Variants in VPS39 observed in about 807,000 individuals in gnomAD.
VPS39 encodes the protein vam6/Vps39-like protein.
A neutral mutation model predicts 121.0 loss-of-function variants in VPS39; 70 were observed. The ratio of observed to expected loss-of-function variants is 0.58; its 90% CI spans 0.48 to 0.71. VPS39 has a LOEUF of 0.71. Among genes scored for constraint, VPS39 ranks in the 30% least tolerant of loss-of-function variants. The pLI is 0.00. For synonymous variants in VPS39, 378 were observed against 398.1 expected (o/e 0.95, Z 0.60); for missense variants, 818 against 1,051.5 (o/e 0.78, Z 3.07).
At chr15:42,185,345 AT>A (rs931644395) in intron 7 of VPS39, among the ~76,000 whole-genome samples, 38 of 146,184 alleles carry the variant, frequency 2.6e-4, no homozygotes, top group African/African-American at 2.5e-4. Flanking sequence ...CGCCAGGCTA[AT>A]TTTTTTTTTT....
chr15:42,200,103 T>A (rs982023841), intron 1 of VPS39, 142 bp from the exon 2 acceptor site: 1 of 755,478 alleles, frequency 1.3e-6, no homozygotes, highest in African/African-American at 1.8e-5. Flanking sequence ...TTGCTTTTGA[T>A]AGGAGGTGTT....
chr15:42,166,475 G>A (rs763697918), intron 15 of VPS39, 88 bp downstream of exon 15: 21 of 1,449,414 alleles, frequency 1.4e-5, no homozygotes, highest in Admixed American at 5.3e-5. Flanking sequence ...CGGGAGGGAG[G>A]GGAGCAACCA....
intron 1 of VPS39, among the ~76,000 whole-genome samples, chr15:42,206,311 T>G (rs2050170371): frequency 6.6e-6 from 1 of 152,256 alleles, no homozygotes; most frequent in African/African-American, 2.4e-5. Flanking sequence ...TAATTACTGC[T>G]GCTCAAATCT....
At chr15:42,194,013 C>G (rs976049680) in intron 2 of VPS39, among the ~76,000 whole-genome samples, 1 of 152,068 alleles carries the variant, frequency 6.6e-6, no homozygotes, top group East Asian at 1.9e-4. Context: ...GACTTCACAC[C>G]CTAGCACACA....
chr15:42,164,820 G>A, intron 18 of VPS39, 176 bp downstream of exon 18: 1 of 1,438,664 alleles, frequency 7.0e-7, no homozygotes. Context: ...CTAGACAAGA[G>A]CTCCTGAGTC....
intron 1 of VPS39, among the ~76,000 whole-genome samples, chr15:42,207,381 C>T (rs893105708): frequency 6.6e-6 from 1 of 152,192 alleles, no homozygotes; most frequent in African/African-American, 2.4e-5. Context: ...CTGAAACCTT[C>T]ATTTGTATTT....
intron 8 of VPS39, among the ~76,000 whole-genome samples, chr15:42,183,482 C>T: frequency 6.6e-6 from 1 of 152,148 alleles, no homozygotes; most frequent in Non-Finnish European, 1.5e-5. Flanking sequence ...CATCTACCAA[C>T]TGGCCCTATT....
intron 1 of VPS39, among the ~76,000 whole-genome samples, chr15:42,207,681 T>C (rs145545391): frequency 6.6e-6 from 1 of 152,320 alleles, no homozygotes; most frequent in Non-Finnish European, 1.5e-5. Context: ...TTGACTTTCA[T>C]CTAGAAAACA....
At position 42,160,566 on chromosome 15, in the gene VPS39, AT is replaced by A. The variant is rs2049108246; in HGVS notation, c.*187del. ...TAAGGTATAACTAATCTCTTTTCCC[AT>A]TAAAAAGCTGGCAATGCCAGACCAT... is the stretch of plus-strand genomic sequence containing the variant. On this transcript the variant is annotated 3_prime_UTR_variant, in exon 25 of 25. Transcript: ENST00000318006. 1 of 611,260 alleles carries A rather than the reference AT, an allele frequency of 1.6e-6. No homozygotes were observed. The highest frequency in any genetic ancestry group is 1.8e-5 in the African/African-American group (1 of 54,170). The allele number at this position is 611,260 out of a possible 1,614,324, so 37.9% of individuals were successfully genotyped here.
chr15:42,182,840 AG>A (rs1409617910), intron 8 of VPS39, among the ~76,000 whole-genome samples: 1 of 152,240 alleles, frequency 6.6e-6, no homozygotes, highest in Non-Finnish European at 1.5e-5. Flanking sequence ...GTTGGAAGAC[AG>A]GAACTCTCAT....
At chr15:42,167,010 G>A in intron 13 of VPS39, 97 bp from the exon 14 acceptor site, 1 of 1,534,568 alleles carries the variant, frequency 6.5e-7, no homozygotes. Context: ...CAGGAATGTA[G>A]CACAAGCAAG....
At chr15:42,202,562 A>C in intron 1 of VPS39, among the ~76,000 whole-genome samples, 1 of 152,248 alleles carries the variant, frequency 6.6e-6, no homozygotes, top group South Asian at 2.1e-4. Context: ...AAATTTTTTA[A>C]AAATCCACTC....
At chr15:42,161,955 T>A (rs2049136012) in intron 23 of VPS39, 77 bp downstream of exon 23, 1 of 1,602,924 alleles carries the variant, frequency 6.2e-7, no homozygotes, top group Admixed American at 1.7e-5. Context: ...TCTGCCTTGG[T>A]CAGAAGGGAA....
At chr15:42,162,564 G>C in intron 21 of VPS39, 83 bp from the exon 22 acceptor site, 1 of 1,447,702 alleles carries the variant, frequency 6.9e-7, no homozygotes, top group Non-Finnish European at 9.2e-7. Flanking sequence ...AACGATTCGA[G>C]GGGCTCGCCT....
At chr15:42,204,191 G>A (rs1376378288) in intron 1 of VPS39, among the ~76,000 whole-genome samples, 1 of 152,156 alleles carries the variant, frequency 6.6e-6, no homozygotes, top group Non-Finnish European at 1.5e-5. Flanking sequence ...ACTTCCCTTC[G>A]TTGGGTAACA....
chr15:42,173,701 T>A, intron 11 of VPS39, 22 bp downstream of exon 11: 1 of 1,611,976 alleles, frequency 6.2e-7, no homozygotes, highest in South Asian at 1.1e-5. Context: ...GTCCCTTATA[T>A]AAAGGCCTCA....
intron 1 of VPS39, among the ~76,000 whole-genome samples, chr15:42,206,406 C>T (rs2050172267): frequency 6.6e-6 from 1 of 152,212 alleles, no homozygotes; most frequent in Non-Finnish European, 1.5e-5. Flanking sequence ...AACCAAAGAG[C>T]ATTTCTCCTG....
chr15:42,198,006 TTTAATCTACCTATGGCG>T (rs1444794427), intron 2 of VPS39, among the ~76,000 whole-genome samples: 3 of 152,212 alleles, frequency 2.0e-5, no homozygotes, highest in Non-Finnish European at 4.4e-5. Flanking sequence ...ATTGTCTATA[TTTAATCTACCTATGGCG>T]AAACCAAGGC....
chr15:42,202,707 A>G (rs2050091182), intron 1 of VPS39, among the ~76,000 whole-genome samples: 1 of 152,090 alleles, frequency 6.6e-6, no homozygotes, highest in African/African-American at 2.4e-5. Context: ...TAATAGCCTC[A>G]GCTTCCTCCC....
Sources: gnomAD v4.1 joint callset for allele counts (sites outside exome capture counted in the v4.1 genomes callset) on GRCh38, gnomAD v4.1.1 for gene constraint, MANE v1.5 for transcripts, NCBI Gene and HGNC (gene_info 2026-07-23, HGNC 2026-07-21) for gene names.